Variants in AGPAT4 observed in about 807,000 individuals in gnomAD.
AGPAT4 encodes 1-acyl-sn-glycerol-3-phosphate acyltransferase delta.
Under a neutral mutation model 48.0 loss-of-function variants are expected in AGPAT4, and 15 were observed. The observed-to-expected ratio is 0.31, with a 90% confidence interval of 0.21 to 0.48. The LOEUF is 0.48. AGPAT4 is among the 20% of genes least tolerant of loss of function. The probability of loss-of-function intolerance (pLI) is 0.99; values close to 1 mark genes in which losing one functional copy is unlikely to be tolerated. For synonymous variants in AGPAT4, 178 were observed against 198.7 expected, an observed-to-expected ratio of 0.90 and a Z score of 0.88; for missense variants, 314 against 482.5, an observed-to-expected ratio of 0.65 and a Z score of 3.27.
rs1293149364 is a variant in AGPAT4, at chr6:161,216,574, T to C, written c.178+15462A>G. 6.6e-6 allele frequency among the ~76,000 whole-genome samples: 1 copy of C among 152,182 alleles called. No homozygotes were observed. The highest frequency in any genetic ancestry group is 1.5e-5 in the Non-Finnish European group (1 of 68,034). On this transcript the variant is annotated intron_variant, in intron 2 of 8. Coordinates refer to ENST00000320285, the MANE Select transcript of AGPAT4 (RefSeq NM_020133.3). The surrounding 1 kb of genome is among the most constrained non-coding windows in gnomAD (Gnocchi z 4.8). ...CAGCACTCTCTTAATTCAGATGATTTTCCCCAGTGTCCGTTTTCACACTGC... is the reference window on the plus strand; with the variant it reads ...CAGCACTCTCTTAATTCAGATGATTCTCCCCAGTGTCCGTTTTCACACTGC...
intron 2 of AGPAT4, among the ~76,000 whole-genome samples, chr6:161,170,469 G>GCACA (rs759377641): frequency 1.6e-5 from 2 of 121,468 alleles, no homozygotes; most frequent in African/African-American, 6.3e-5. Context: ...ACACGTGCGC[G>GCACA]CGCGCACACA....
chr6:161,157,040 G>C (rs1779786534), intron 3 of AGPAT4, among the ~76,000 whole-genome samples: 2 of 152,214 alleles, frequency 1.3e-5, no homozygotes, highest in Admixed American at 1.3e-4. Flanking sequence ...CAGCTCTGAA[G>C]GCTGTGAGAC....
intron 1 of AGPAT4, among the ~76,000 whole-genome samples, chr6:161,253,124 A>C (rs1401091568): frequency 6.8e-6 from 1 of 148,114 alleles, no homozygotes; most frequent in Non-Finnish European, 1.5e-5. Context: ...GAGGCAGGAG[A>C]ATCTCTTGAA....
Position 161,201,221 on chromosome 6 carries a change from C to A in AGPAT4, c.178+30815G>T, listed in dbSNP as rs1781229335. Among the ~76,000 whole-genome samples, 1 of 152,102 alleles carries A rather than the reference C, an allele frequency of 6.6e-6. No homozygotes were observed. Among genetic ancestry groups the A allele is most frequent in the African/African-American group, 2.4e-5 (1 of 41,400 alleles). Reference sequence around the variant, plus strand: ...GAGGCTGTTCAAGAGAGACTTAATTCTGTACCTAATCAGATAAGGTGAAGG... The same window carrying A: ...GAGGCTGTTCAAGAGAGACTTAATTATGTACCTAATCAGATAAGGTGAAGG... On this transcript the variant is annotated intron_variant, in intron 2 of 8. Transcript: ENST00000320285. This position sits in a 1 kb window ranked among gnomAD's most constrained non-coding sequence, Gnocchi z 6.0.
At chr6:161,253,429 T>A (rs1258072984) in intron 1 of AGPAT4, among the ~76,000 whole-genome samples, 2 of 151,096 alleles carry the variant, frequency 1.3e-5, no homozygotes, top group African/African-American at 2.4e-5. Flanking sequence ...TAATTTTTTG[T>A]ATTTTTAGTA....
At chr6:161,263,357 G>A (rs1783161814) in intron 1 of AGPAT4, among the ~76,000 whole-genome samples, 1 of 152,152 alleles carries the variant, frequency 6.6e-6, no homozygotes, top group Non-Finnish European at 1.5e-5. Context: ...TGGGTGTGGT[G>A]GCGGGCACCT....
intron 1 of AGPAT4, among the ~76,000 whole-genome samples, chr6:161,239,734 C>G (rs1782426803): frequency 6.6e-6 from 1 of 152,146 alleles, no homozygotes; most frequent in South Asian, 2.1e-4. Flanking sequence ...TTTTTACATT[C>G]CAAACTAGGC....
intron 2 of AGPAT4, among the ~76,000 whole-genome samples, chr6:161,209,429 T>A (rs1444466964): frequency 6.6e-6 from 1 of 152,162 alleles, no homozygotes; most frequent in East Asian, 1.9e-4. Flanking sequence ...GTAAAATACG[T>A]TGATTGTTCT....
Position 161,130,808 on chromosome 6 carries a change from C to T in AGPAT4, c.*5732G>A. ...GGAAGCTGGCTCTGCAGCGTTGTGA[C>T]TTAGACACTTTACAAGTCTGAGCCA... is the stretch of plus-strand genomic sequence containing the variant. On this transcript the variant is annotated 3_prime_UTR_variant, in exon 9 of 9. Coordinates refer to ENST00000320285, the MANE Select transcript of AGPAT4 (RefSeq NM_020133.3). The T allele has an allele frequency of 1.4e-5, 7 of 517,834 alleles. No individual in the cohort carries two copies. Among genetic ancestry groups the T allele is most frequent in the South Asian group, 8.4e-5 (6 of 71,404 alleles). 32.1% of individuals were successfully genotyped at this position (517,834 alleles called of 1,614,324 possible). A position where few individuals can be genotyped will look rare whatever the true frequency, so the allele number is the denominator to read the frequency against.
rs1028435966 is a variant in AGPAT4 at position 161,130,699 on chromosome 6, C to G, written c.*5841G>C. ...TCTGTTGACTGTGGGCGGCCTGGGC[C>G]AGCCTTGCTGTGTTTGCCTCAGATG... is the stretch of plus-strand genomic sequence containing the variant. On this transcript the variant is annotated 3_prime_UTR_variant, in exon 9 of 9. Transcript: ENST00000320285. 4.4e-5 allele frequency: 15 copies of G among 338,168 alleles called. No individual in the cohort carries two copies. The highest frequency in any genetic ancestry group is 3.1e-4 in the African/African-American group (15 of 47,622). 20.9% of individuals were successfully genotyped at this position (338,168 alleles called of 1,614,324 possible). A position where few individuals can be genotyped will look rare whatever the true frequency, so the allele number is the denominator to read the frequency against.
intron 2 of AGPAT4, among the ~76,000 whole-genome samples, chr6:161,172,578 A>G (rs532996547): frequency 2.0e-5 from 3 of 152,360 alleles, no homozygotes; most frequent in African/African-American, 7.2e-5. Context: ...ACCCACAGAG[A>G]TGTGGTCAGG....
chr6:161,205,737 CAATAATAAT>C (rs761976412), intron 2 of AGPAT4, among the ~76,000 whole-genome samples: 225 of 145,720 alleles, frequency 1.5e-3, no homozygotes, highest in African/African-American at 5.4e-3. Flanking sequence ...GTTGAAATTA[CAATAATAAT>C]AATAATAATA....
chr6:161,242,000 T>C (rs1365776956), intron 1 of AGPAT4, among the ~76,000 whole-genome samples: 1 of 152,252 alleles, frequency 6.6e-6, no homozygotes, highest in Admixed American at 6.5e-5. Flanking sequence ...TCCAAAGTGC[T>C]GGGATTACAG....
In AGPAT4 at chr6:161,233,106, A is replaced by C. The variant is rs1782169935; in HGVS notation, c.-89-804T>G. Among the ~76,000 whole-genome samples the C allele has an allele frequency of 2.9e-5, 4 of 135,624 alleles. No individual in the cohort carries two copies. The South Asian group carries it at 9.5e-4, about 32-fold the overall frequency. 89.0% of individuals were successfully genotyped at this position (135,624 alleles called of 152,430 possible). ...CAGAGACACATAGACACACACACAA[A>C]CACCACACACACACACACACACACA... On this transcript the variant is annotated intron_variant, in intron 1 of 8. Transcript: ENST00000320285. This position sits in a 1 kb window ranked among gnomAD's most constrained non-coding sequence, Gnocchi z 5.4.
chr6:161,244,025 A>G lies in AGPAT4; in HGVS notation c.-89-11723T>C, dbSNP rs763737441. ...ACTGTCAATTCCCTACATAAATCTC[A>G]TTGAAGAAATGAGTTGAATACTCGA... On this transcript the variant is annotated intron_variant, in intron 1 of 8. Coordinates refer to ENST00000320285, the MANE Select transcript of AGPAT4 (RefSeq NM_020133.3). This position sits in a 1 kb window ranked among gnomAD's most constrained non-coding sequence, Gnocchi z 4.7. Among the ~76,000 whole-genome samples the G allele has an allele frequency of 6.6e-6, 1 of 152,180 alleles. No homozygotes were observed. The highest frequency in any genetic ancestry group is 1.5e-5 in the Non-Finnish European group (1 of 68,034).
In AGPAT4 at chr6:161,130,830, G is replaced by A. The variant is rs780440380; in HGVS notation, c.*5710C>T. The A allele has an allele frequency of 2.5e-5, 13 of 518,800 alleles. No homozygotes were observed. Among genetic ancestry groups the A allele is most frequent in the Middle Eastern group, 3.2e-4 (1 of 3,166 alleles). 32.1% of individuals were successfully genotyped at this position (518,800 alleles called of 1,614,324 possible). Reference sequence around the variant, plus strand: ...TGACTTAGACACTTTACAAGTCTGAGCCATCCCGTACTAGTTCATCAACTT... The same window carrying A: ...TGACTTAGACACTTTACAAGTCTGAACCATCCCGTACTAGTTCATCAACTT... On this transcript the variant is annotated 3_prime_UTR_variant, in exon 9 of 9. Coordinates refer to ENST00000320285, the MANE Select transcript of AGPAT4 (RefSeq NM_020133.3).
Position 161,159,206 on chromosome 6 carries a change from A to C in AGPAT4, c.349-4896T>G, listed in dbSNP as rs1038156668. Among the ~76,000 whole-genome samples, 2 of 152,118 alleles carry C rather than the reference A, an allele frequency of 1.3e-5. No homozygotes were observed. The highest frequency in any genetic ancestry group is 2.9e-5 in the Non-Finnish European group (2 of 68,018). ...GCCCTATCACTCCAGGGTCCCCACA[A>C]GTCTCCCCATAGCACAGCCTCCATT... is the stretch of plus-strand genomic sequence containing the variant. On this transcript the variant is annotated intron_variant, in intron 3 of 8. Coordinates refer to ENST00000320285, the MANE Select transcript of AGPAT4 (RefSeq NM_020133.3). This position sits in a 1 kb window ranked among gnomAD's most constrained non-coding sequence, Gnocchi z 4.1.
At position 161,143,349 on chromosome 6, in the gene AGPAT4, C is replaced by A. The variant is rs1779316412; in HGVS notation, c.843+3175G>T. Among the ~76,000 whole-genome samples the A allele has an allele frequency of 6.6e-6, 1 of 152,176 alleles. No individual in the cohort carries two copies. Among genetic ancestry groups the A allele is most frequent in the Non-Finnish European group, 1.5e-5 (1 of 68,036 alleles). Reference sequence around the variant, plus strand: ...CTCAGCCTCCCAAAGTGCTTACTCCCAAAGGGATTACTGGCATGAGCCACT... The same window carrying A: ...CTCAGCCTCCCAAAGTGCTTACTCCAAAAGGGATTACTGGCATGAGCCACT... On this transcript the variant is annotated intron_variant, in intron 7 of 8. Coordinates refer to ENST00000320285, the MANE Select transcript of AGPAT4 (RefSeq NM_020133.3). This position sits in a 1 kb window ranked among gnomAD's most constrained non-coding sequence, Gnocchi z 4.7.
At position 161,189,879 on chromosome 6, in the gene AGPAT4, C is replaced by T. The variant is rs528406787; in HGVS notation, c.179-23462G>A. Among the ~76,000 whole-genome samples, 1 of 152,352 alleles carries T rather than the reference C, an allele frequency of 6.6e-6. No homozygotes were observed. The highest frequency in any genetic ancestry group is 2.1e-4 in the South Asian group (1 of 4,824). On this transcript the variant is annotated intron_variant, in intron 2 of 8. Transcript: ENST00000320285. This position sits in a 1 kb window ranked among gnomAD's most constrained non-coding sequence, Gnocchi z 5.3. Reference sequence around the variant, plus strand: ...GTTCTGTCTTATCAGTTCTGAAATGCTCCGTTGGTTCACATTTTAACATGC... The same window carrying T: ...GTTCTGTCTTATCAGTTCTGAAATGTTCCGTTGGTTCACATTTTAACATGC...
Sources: allele counts gnomAD v4.1 joint callset (sites outside exome capture counted in the v4.1 genomes callset), GRCh38; gene constraint gnomAD v4.1.1; non-coding constraint Gnocchi (gnomAD v3.1); transcripts MANE v1.5; gene names NCBI Gene and HGNC (gene_info 2026-07-23, HGNC 2026-07-21).